Variants in VPS9D1 observed in about 807,000 individuals in gnomAD.
The protein encoded by VPS9D1 is VPS9 domain-containing protein 1.
In VPS9D1, 78 loss-of-function variants were observed where a neutral mutation model predicts 75.8. The ratio of observed to expected loss-of-function variants is 1.03; its 90% CI spans 0.86 to 1.24. VPS9D1 has a LOEUF of 1.24. Ranked by LOEUF, VPS9D1 falls within the 50% of genes most tolerant of loss-of-function variation. VPS9D1 has a pLI of 0.00. For synonymous variants in VPS9D1, 481 were observed against 385.6 expected (o/e 1.25, Z -2.90); for missense variants, 1,057 against 847.7 (o/e 1.25, Z -3.07).
intron 1 of VPS9D1, chr16:89,719,406 C>A (rs1022641038): frequency 1.9e-5 from 10 of 518,796 alleles, no homozygotes; most frequent in Middle Eastern, 5.4e-4. Flanking sequence ...AGCACAGGAA[C>A]TGATATTCTC....
At chr16:89,708,836 C>A in intron 13 of VPS9D1, 21 bp downstream of exon 13, 1 of 1,566,900 alleles carries the variant, frequency 6.4e-7, no homozygotes, top group Non-Finnish European at 8.6e-7. Context: ...CCTGGCCACA[C>A]CTCGCCCTCC....
intron 4 of VPS9D1, 145 bp downstream of exon 4, chr16:89,716,317 G>A: frequency 8.0e-7 from 1 of 1,251,986 alleles, no homozygotes; most frequent in Non-Finnish European, 1.1e-6. Context: ...CGTGAGCCAA[G>A]ATTGAGCCGC....
At chr16:89,712,213 C>T in intron 6 of VPS9D1, 114 bp from the exon 7 acceptor site, 1 of 1,471,720 alleles carries the variant, frequency 6.8e-7, no homozygotes, top group African/African-American at 1.4e-5. Flanking sequence ...CGGTGAGGGG[C>T]TGTCCCCAGG....
At chr16:89,709,947 C>T (rs763310395) in intron 10 of VPS9D1, 41 bp from the exon 11 acceptor site, 7 of 1,560,612 alleles carry the variant, frequency 4.5e-6, no homozygotes, top group African/African-American at 4.1e-5. Context: ...GAGGCTCCTC[C>T]CCTGCTGGGT....
chr16:89,716,036 G>A (rs542097646), intron 4 of VPS9D1, among the ~76,000 whole-genome samples: 2 of 151,818 alleles, frequency 1.3e-5, no homozygotes, highest in African/African-American at 2.4e-5. Context: ...AAAAACATTC[G>A]CTGTCAGGCC....
chr16:89,712,640 G>A lies in VPS9D1; in HGVS notation c.508C>T (p.Leu170=), dbSNP rs1361446993. The A allele has an allele frequency of 1.2e-6, 2 of 1,611,206 alleles. No individual in the cohort carries two copies. Among genetic ancestry groups the A allele is most frequent in the African/African-American group, 2.7e-5 (2 of 74,916 alleles). The part of the protein sequence containing the change: ...KAAYEARMAR[L]DPSQAMQKTS... ...TTCTGCATGGCCTGGCTGGGGTCTA[G>A]CCGCGCCATTCGGGCCTCATACGCA... Residue 170 remains leucine, a synonymous_variant, in exon 5 of 15, where the codon CTA becomes TTA. Coordinates refer to ENST00000389386, the MANE Select transcript of VPS9D1 (RefSeq NM_004913.3).
At chr16:89,718,914 C>A (rs2061161436) in intron 2 of VPS9D1, 113 bp downstream of exon 2, 1 of 872,238 alleles carries the variant, frequency 1.1e-6, no homozygotes, top group Admixed American at 2.2e-5. Context: ...GGGGTTTCAC[C>A]ATGTTAGCCA....
At position 89,710,790 on chromosome 16, in the gene VPS9D1, T is replaced by TG. The variant is rs1415655979; in HGVS notation, c.1053dup (p.Thr352HisfsTer40). On this transcript the variant is annotated frameshift_variant, in exon 10 of 15. Transcript: ENST00000389386. LOFTEE classifies it high-confidence loss of function. The stretch of plus-strand genomic sequence containing the variant: ...ACGGGGCCGGGTTGGAGTGGGGGCG[T>TG]GGGGGGACTGTCCTGGGGCCGCGGG... The TG allele has an allele frequency of 6.5e-7, 1 of 1,548,122 alleles. No homozygotes were observed. Among genetic ancestry groups the TG allele is most frequent in the Non-Finnish European group, 8.7e-7 (1 of 1,145,862 alleles).
At chr16:89,718,622 C>T (rs1056408862) in intron 2 of VPS9D1, among the ~76,000 whole-genome samples, 1 of 152,198 alleles carries the variant, frequency 6.6e-6, no homozygotes, top group Admixed American at 6.6e-5. Flanking sequence ...AAGAGACCCC[C>T]GCCGAAGCCT....
rs367893043 is a variant in VPS9D1, at chr16:89,708,432, G to A, written c.1797C>T (p.His599=). 3.7e-5 allele frequency: 59 copies of A among 1,611,366 alleles called. 1 individual carries two copies. The highest frequency in any genetic ancestry group is 1.6e-4 in the East Asian group (7 of 44,850). Residue 599 remains histidine (H), a synonymous_variant, in exon 14 of 15, where the codon CAC becomes CAT. Coordinates refer to ENST00000389386, the MANE Select transcript of VPS9D1 (RefSeq NM_004913.3). The part of the protein sequence containing the change: ...SECAALEEFI[H]EGYLIGEEGY... ...CCTGACCCGCCAGGGTCTACCCCTC[G>A]TGGATGAACTCCTCCAGGGCCGCGC...
intron 1 of VPS9D1, among the ~76,000 whole-genome samples, chr16:89,720,241 A>G (rs111836360): frequency 2.0e-5 from 3 of 151,972 alleles, no homozygotes; most frequent in African/African-American, 7.2e-5. Flanking sequence ...TGGCTGGGCC[A>G]GCTTCTCTAC....
At position 89,709,797 on chromosome 16, in the gene VPS9D1, AG is replaced by A; in HGVS notation, c.1367del (p.Pro456LeufsTer18). 1.2e-6 allele frequency: 2 copies of A among 1,613,654 alleles called. No homozygotes were observed. Among genetic ancestry groups the A allele is most frequent in the Non-Finnish European group, 1.7e-6 (2 of 1,179,912 alleles). On this transcript the variant is annotated frameshift_variant, in exon 11 of 15. Transcript: ENST00000389386. LOFTEE classifies it high-confidence loss of function. ...IEEPFFSPLW[P>X]LLLALYRSVH... Reference sequence around the variant, plus strand: ...CATACCTGTACAGGGCCAGCAGCAGAGGCCACAGCGGGGAGAAAAAGGGTTC... The same window carrying A: ...CATACCTGTACAGGGCCAGCAGCAGAGCCACAGCGGGGAGAAAAAGGGTTC...
Position 89,719,119 on chromosome 16 carries a change from GAA to G in VPS9D1, c.100-19_100-18del, listed in dbSNP as rs2061168187. The G allele has an allele frequency of 6.2e-7, 1 of 1,612,378 alleles. No homozygotes were observed. Among genetic ancestry groups the G allele is most frequent in the Non-Finnish European group, 8.5e-7 (1 of 1,178,908 alleles). On this transcript the variant is annotated intron_variant, in intron 1 of 14. Coordinates refer to ENST00000389386, the MANE Select transcript of VPS9D1 (RefSeq NM_004913.3). The stretch of plus-strand genomic sequence containing the variant: ...GTATGCCTCCTGTGTCCAGGAAAGA[GAA>G]AGAGTGGGGTCAGGCCAGTGGAGGG...
Position 89,708,409 on chromosome 16 carries a change from T to C in VPS9D1, c.1802+18A>G. ...GCTCTTCGCACAGAGACCCCCACCC[T>C]GACCCGCCAGGGTCTACCCCTCGTG... is the stretch of plus-strand genomic sequence containing the variant. On this transcript the variant is annotated intron_variant, in intron 14 of 14. Transcript: ENST00000389386. The C allele has an allele frequency of 6.2e-7, 1 of 1,603,414 alleles. No homozygotes were observed. The highest frequency in any genetic ancestry group is 8.5e-7 in the Non-Finnish European group (1 of 1,175,508).
chr16:89,711,449 G>A (rs2060917996), intron 8 of VPS9D1, 37 bp from the exon 9 acceptor site: 2 of 1,563,360 alleles, frequency 1.3e-6, no homozygotes, highest in African/African-American at 1.4e-5. Flanking sequence ...AGCACGGTGG[G>A]TCCGCCACGA....
At position 89,709,240 on chromosome 16, in the gene VPS9D1, C is replaced by T. The variant is rs777130766; in HGVS notation, c.1584G>A (p.Lys528=). 16 of 1,611,868 alleles carry T rather than the reference C, an allele frequency of 9.9e-6. No homozygotes were observed. Among genetic ancestry groups the T allele is most frequent in the Non-Finnish European group, 1.3e-5 (15 of 1,179,984 alleles). ...LLVLESCPQK[K]LECIVRTLRI... ...GAACCTGCTGACCTATGCACTCCAG[C>T]TTCTTCTGGGGGCAGCTCTCCAGGA... Residue 528 remains lysine (K), a synonymous_variant, in exon 12 of 15, where the codon AAG becomes AAA. Transcript: ENST00000389386.
chr16:89,709,612 GA>G (rs1309442054), intron 11 of VPS9D1, among the ~76,000 whole-genome samples, 164 bp downstream of exon 11: 2 of 152,166 alleles, frequency 1.3e-5, no homozygotes, highest in Admixed American at 1.3e-4. Flanking sequence ...CTGCAAACTG[GA>G]AGCCCCTGAG....
At chr16:89,719,306 C>G (rs1318036508) in intron 1 of VPS9D1, 1 of 641,588 alleles carries the variant, frequency 1.6e-6, no homozygotes, top group East Asian at 3.1e-5. Context: ...TCGCTGCTCT[C>G]CAGACTTGGA....
intron 1 of VPS9D1, chr16:89,720,462 T>C (rs758598986): frequency 1.4e-5 from 15 of 1,083,220 alleles, no homozygotes; most frequent in Non-Finnish European, 1.2e-5. Flanking sequence ...ACTCGGATTT[T>C]GGAAGGTGGC....
Sources: allele counts gnomAD v4.1 joint callset (sites outside exome capture counted in the v4.1 genomes callset), GRCh38; gene constraint gnomAD v4.1.1; transcripts MANE v1.5; gene names NCBI Gene and HGNC (gene_info 2026-07-23, HGNC 2026-07-21).